COBLL1: variants seen among roughly 807,000 people sequenced by gnomAD.
The protein encoded by COBLL1 is cordon-bleu WH2 repeat protein like 1.
A neutral mutation model predicts 94.8 loss-of-function variants in COBLL1; 50 were observed. The ratio of observed to expected loss-of-function variants is 0.53; its 90% CI spans 0.42 to 0.67. The LOEUF is 0.67. Among genes scored for constraint, COBLL1 ranks in the 30% least tolerant of loss-of-function variants. The pLI is 0.00. For missense variants in COBLL1, 1,362 were observed against 1,348.7 expected, an observed-to-expected ratio of 1.01 and a Z score of -0.15; for synonymous variants, 448 against 473.8, an observed-to-expected ratio of 0.95 and a Z score of 0.71.
intron 2 of COBLL1, among the ~76,000 whole-genome samples, chr2:164,829,994 G>A (rs1345782979): frequency 6.6e-6 from 1 of 152,172 alleles, no homozygotes; most frequent in Non-Finnish European, 1.5e-5. Context: ...GAAAAAAAGA[G>A]AGTCCTAGGG....
intron 2 of COBLL1, among the ~76,000 whole-genome samples, chr2:164,780,945 C>T (rs1342405695): frequency 1.3e-5 from 2 of 152,134 alleles, no homozygotes; most frequent in Non-Finnish European, 2.9e-5. Flanking sequence ...TTTAAGAATA[C>T]CTTGCCTGTG....
At chr2:164,818,627 G>GGCGTATATGTACATATGTAAACATATATA (rs1574647050) in intron 2 of COBLL1, among the ~76,000 whole-genome samples, 7 of 140,720 alleles carry the variant, frequency 5.0e-5, no homozygotes, top group African/African-American at 1.1e-4. Context: ...ACACATATAT[G>GGCGTATATGTACATATGTAAACATATATA]GCGTATATGT....
rs1019534468 is a variant in COBLL1, at chr2:164,684,605, G to C, written c.*1341C>G. The C allele has an allele frequency of 1.4e-4, 22 of 152,130 alleles. 1 individual carries two copies. Among genetic ancestry groups the C allele is most frequent in the Non-Finnish European group, 1.5e-5 (1 of 68,008 alleles). The allele number at this position is 152,130 out of a possible 1,614,324, so 9.4% of individuals were successfully genotyped here. On this transcript the variant is annotated 3_prime_UTR_variant, in exon 14 of 14. Transcript: ENST00000652658. ...AAATGCTTAGACCATGCATTTTGGA[G>C]TCAGAATGCCAGGGCTTAAATGTAC...
chr2:164,686,125 G>T, intron 13 of COBLL1, 93 bp from the exon 14 acceptor site: 1 of 565,702 alleles, frequency 1.8e-6, no homozygotes, highest in Non-Finnish European at 3.2e-6. Flanking sequence ...TTTAACTTCT[G>T]CTTAATTGTA....
chr2:164,803,566 AAAAT>A (rs1328710021), intron 2 of COBLL1, among the ~76,000 whole-genome samples: 39 of 134,574 alleles, frequency 2.9e-4, no homozygotes, highest in Non-Finnish European at 3.7e-4. Context: ...CTCTGTCTCA[AAAAT>A]AAATAAATAA....
chr2:164,704,900 A>G (rs1574441691), intron 8 of COBLL1, 52 bp downstream of exon 8: 3 of 1,480,370 alleles, frequency 2.0e-6, no homozygotes, highest in Non-Finnish European at 1.8e-6. Context: ...CCTACTGTCC[A>G]TATTAAACAA....
rs1307954112 is a variant in COBLL1 at position 164,700,558 on chromosome 2, A to C, written c.1424T>G (p.Met475Arg). 1 of 1,613,700 alleles carries C rather than the reference A, an allele frequency of 6.2e-7. No homozygotes were observed. Among genetic ancestry groups the C allele is most frequent in the East Asian group, 2.2e-5 (1 of 44,828 alleles). ...NGSGEFSQNS[M>R]EEKQETKSTD... ...GCTTTTAGTTTCTTGTTTTTCTTCC[A>C]TGGAGTTTTGTGAGAACTCTCCACT... Residue 475 changes from methionine (M) to arginine (R), a missense_variant, in exon 10 of 14, where the codon ATG becomes AGG. Physicochemically the swap from Met to Arg is moderately conservative, Grantham distance 91 (BLOSUM62 -1). Coordinates refer to ENST00000652658, the MANE Select transcript of COBLL1 (RefSeq NM_001365672.2).
chr2:164,712,995 C>T (rs1684981291), intron 7 of COBLL1, among the ~76,000 whole-genome samples: 3 of 152,054 alleles, frequency 2.0e-5, no homozygotes, highest in South Asian at 2.1e-4. Flanking sequence ...TGAAAGCATA[C>T]TTGCCAGTTT....
intron 7 of COBLL1, among the ~76,000 whole-genome samples, chr2:164,713,439 ATAT>A (rs1685006737): frequency 6.6e-6 from 1 of 152,162 alleles, no homozygotes; most frequent in African/African-American, 2.4e-5. Context: ...GCTGAAATAA[ATAT>A]TATGAGAGGA....
intron 2 of COBLL1, among the ~76,000 whole-genome samples, chr2:164,817,105 C>T (rs914683919): frequency 6.6e-6 from 1 of 152,112 alleles, no homozygotes; most frequent in Non-Finnish European, 1.5e-5. Flanking sequence ...ACTGTAGAAT[C>T]TGGAACATGA....
At chr2:164,708,652 TAGA>T (rs1558941293) in intron 7 of COBLL1, among the ~76,000 whole-genome samples, 1 of 152,128 alleles carries the variant, frequency 6.6e-6, no homozygotes, top group Non-Finnish European at 1.5e-5. Flanking sequence ...TCAAAAGCAG[TAGA>T]AGATGTGATT....
intron 9 of COBLL1, among the ~76,000 whole-genome samples, chr2:164,701,706 C>T (rs1473679878): frequency 8.4e-6 from 1 of 118,816 alleles, no homozygotes; most frequent in Non-Finnish European, 1.9e-5. Flanking sequence ...CAACCAGTAG[C>T]CAGCAGGGTA....
At chr2:164,837,599 C>T (rs550569181) in intron 2 of COBLL1, 1 of 400,162 alleles carries the variant, frequency 2.5e-6, no homozygotes, top group Non-Finnish European at 5.0e-6. Flanking sequence ...GTAAGTTAAA[C>T]CAGTCAACTT....
At chr2:164,674,302 G>T (rs1169088642) in intron 1 of COBLL1, among the ~76,000 whole-genome samples, 1 of 152,042 alleles carries the variant, frequency 6.6e-6, no homozygotes, top group East Asian at 1.9e-4. Flanking sequence ...CTCGTGATCT[G>T]CCCACCTCGA....
chr2:164,832,083 G>A (rs1226807581), intron 2 of COBLL1, among the ~76,000 whole-genome samples: 3 of 152,068 alleles, frequency 2.0e-5, no homozygotes, highest in South Asian at 2.1e-4. Flanking sequence ...TTCAGCCCCC[G>A]CTACTCCCCT....
chr2:164,816,084 T>C (rs1684729582), intron 2 of COBLL1, among the ~76,000 whole-genome samples: 1 of 152,014 alleles, frequency 6.6e-6, no homozygotes, highest in Non-Finnish European at 1.5e-5. Context: ...CAGAAGGTAA[T>C]ATATACTCTG....
chr2:164,795,968 C>G (rs1683429515), intron 2 of COBLL1, among the ~76,000 whole-genome samples: 1 of 152,134 alleles, frequency 6.6e-6, no homozygotes, highest in Non-Finnish European at 1.5e-5. Context: ...GGTGGCCCCT[C>G]TAGACACTGT....
chr2:164,806,175 A>G (rs1295319658), intron 2 of COBLL1, among the ~76,000 whole-genome samples: 1 of 152,144 alleles, frequency 6.6e-6, no homozygotes, highest in African/African-American at 2.4e-5. Context: ...AAAAACTCCA[A>G]CGTCACTCCT....
chr2:164,798,603 A>C (rs1683594335), intron 2 of COBLL1, among the ~76,000 whole-genome samples: 1 of 152,216 alleles, frequency 6.6e-6, no homozygotes, highest in Non-Finnish European at 1.5e-5. Flanking sequence ...CAAGGGAAGA[A>C]TGCTGCAAGA....
Sources: allele counts gnomAD v4.1 joint callset (sites outside exome capture counted in the v4.1 genomes callset), GRCh38; gene constraint gnomAD v4.1.1; transcripts MANE v1.5; gene names NCBI Gene and HGNC (gene_info 2026-07-23, HGNC 2026-07-21).